SCHIP1: variants seen among roughly 807,000 people sequenced by gnomAD.
SCHIP1 encodes the protein schwannomin interacting protein 1.
Under a neutral mutation model 29.7 loss-of-function variants are expected in SCHIP1, and 8 were observed. The observed-to-expected ratio is 0.27, with a 90% CI of 0.16 to 0.49. The LOEUF (loss-of-function observed/expected upper bound fraction) is 0.49. Ranked by LOEUF, SCHIP1 falls within the 20% of genes least tolerant of loss-of-function variation. The pLI, the probability that SCHIP1 is intolerant of heterozygous loss-of-function variation, is 0.99. For missense variants in SCHIP1, 193 were observed against 294.6 expected, an observed-to-expected ratio of 0.66 and a Z score of 2.52; for synonymous variants, 76 against 94.9, an observed-to-expected ratio of 0.80 and a Z score of 1.16.
At chr3:159,517,105 C>A in the SCHIP1 span, among the ~76,000 whole-genome samples, 1 of 152,080 alleles carries the variant, frequency 6.6e-6, no homozygotes, top group African/African-American at 2.4e-5. Flanking sequence ...AAGACGTTCC[C>A]CAGAACAATG....
the SCHIP1 span, among the ~76,000 whole-genome samples, chr3:159,551,247 A>G: frequency 6.6e-6 from 1 of 152,216 alleles, no homozygotes; most frequent in Admixed American, 6.5e-5. Flanking sequence ...TAAATAAAAC[A>G]GGGGAAGCAA....
chr3:159,374,638 G>T, the SCHIP1 span, among the ~76,000 whole-genome samples: 1 of 152,106 alleles, frequency 6.6e-6, no homozygotes, highest in Non-Finnish European at 1.5e-5. Context: ...TAATTTCACA[G>T]TTATCTATCA....
the SCHIP1 span, among the ~76,000 whole-genome samples, chr3:159,295,688 T>C: frequency 6.6e-6 from 1 of 152,190 alleles, no homozygotes. Context: ...CTGCCAGCCC[T>C]TCTGGCATTT....
the SCHIP1 span, among the ~76,000 whole-genome samples, chr3:159,341,629 C>T: frequency 6.6e-6 from 1 of 152,102 alleles, no homozygotes; most frequent in African/African-American, 2.4e-5. Flanking sequence ...TTTCCTCTTC[C>T]CTGAAGGGTT....
chr3:159,890,782 G>A (rs1717435979), intron 5 of SCHIP1, among the ~76,000 whole-genome samples: 1 of 150,904 alleles, frequency 6.6e-6, no homozygotes, highest in Admixed American at 6.6e-5. Flanking sequence ...TTTTTTTTTG[G>A]GGGGCTCTCT....
chr3:159,689,850 G>T, the SCHIP1 span, among the ~76,000 whole-genome samples: 1 of 152,200 alleles, frequency 6.6e-6, no homozygotes, highest in East Asian at 1.9e-4. Flanking sequence ...CATCTATTGA[G>T]ATAATCATGT....
chr3:159,817,608 A>AATTAG, the SCHIP1 span, among the ~76,000 whole-genome samples: 1 of 152,130 alleles, frequency 6.6e-6, no homozygotes, highest in South Asian at 2.1e-4. Context: ...TTCTTCTACT[A>AATTAG]ATTAGATTAG....
At chr3:159,728,870 C>A in the SCHIP1 span, among the ~76,000 whole-genome samples, 1 of 152,148 alleles carries the variant, frequency 6.6e-6, no homozygotes, top group African/African-American at 2.4e-5. Context: ...TGTGTTCCGG[C>A]CAGGCGCAGT....
At chr3:159,821,254 G>A in the SCHIP1 span, among the ~76,000 whole-genome samples, 1 of 152,202 alleles carries the variant, frequency 6.6e-6, no homozygotes, top group Non-Finnish European at 1.5e-5. Flanking sequence ...AAAAAGGGGA[G>A]AGAGAAATTG....
At chr3:159,399,585 T>A in the SCHIP1 span, among the ~76,000 whole-genome samples, 4 of 152,176 alleles carry the variant, frequency 2.6e-5, no homozygotes, top group African/African-American at 9.7e-5. Context: ...CCTATTTCTA[T>A]CAATCACTCT....
chr3:159,895,996 C>T (rs1393033945), intron 6 of SCHIP1, among the ~76,000 whole-genome samples: 1 of 152,138 alleles, frequency 6.6e-6, no homozygotes, highest in African/African-American at 2.4e-5. Context: ...GGACCTGGCC[C>T]ATAATAGAGC....
At chr3:159,497,465 A>G in the SCHIP1 span, among the ~76,000 whole-genome samples, 1 of 151,976 alleles carries the variant, frequency 6.6e-6, no homozygotes, top group Non-Finnish European at 1.5e-5. Flanking sequence ...CTTAATCTTC[A>G]AAACCACCCC....
the SCHIP1 span, among the ~76,000 whole-genome samples, chr3:159,573,094 G>A: frequency 3.9e-5 from 6 of 152,144 alleles, no homozygotes; most frequent in South Asian, 2.1e-4. Context: ...TTTAATTGGG[G>A]CATTTAGCCC....
At chr3:159,791,192 G>A in the SCHIP1 span, among the ~76,000 whole-genome samples, 14 of 152,278 alleles carry the variant, frequency 9.2e-5, no homozygotes, top group East Asian at 7.7e-4. Flanking sequence ...GCAGTCTCAC[G>A]TTTAACCTCT....
chr3:159,854,621 G>A (rs767206793), intron 1 of SCHIP1, among the ~76,000 whole-genome samples: 4 of 152,140 alleles, frequency 2.6e-5, no homozygotes, highest in South Asian at 2.1e-4. Flanking sequence ...CGCTTCTGCC[G>A]GAAGCGATGT....
At chr3:159,607,096 C>T in the SCHIP1 span, among the ~76,000 whole-genome samples, 1 of 152,332 alleles carries the variant, frequency 6.6e-6, no homozygotes, top group Non-Finnish European at 1.5e-5. Context: ...AGAATGTTTT[C>T]ATACGCCCAC....
At chr3:159,509,743 A>T in the SCHIP1 span, among the ~76,000 whole-genome samples, 3 of 152,182 alleles carry the variant, frequency 2.0e-5, no homozygotes, top group African/African-American at 7.2e-5. Flanking sequence ...GTTTGGCTGG[A>T]TATGAAATTC....
chr3:159,615,556 G>T, the SCHIP1 span, among the ~76,000 whole-genome samples: 1 of 152,174 alleles, frequency 6.6e-6, no homozygotes, highest in Non-Finnish European at 1.5e-5. Flanking sequence ...CCTCACCTTG[G>T]ACTGAGAAGT....
chr3:159,280,693 T>C, the SCHIP1 span, among the ~76,000 whole-genome samples: 6 of 152,186 alleles, frequency 3.9e-5, no homozygotes, highest in Non-Finnish European at 5.9e-5. Flanking sequence ...TTTGGCACTT[T>C]GTCAATTCAA....
Sources: allele counts gnomAD v4.1 joint callset (sites outside exome capture counted in the v4.1 genomes callset), GRCh38; gene constraint gnomAD v4.1.1; transcripts MANE v1.5; gene names NCBI Gene and HGNC (gene_info 2026-07-23, HGNC 2026-07-21).